FGF14: variants seen among roughly 807,000 people sequenced by gnomAD.
The protein encoded by FGF14 is fibroblast growth factor homologous factor 4.
In FGF14, 5 loss-of-function variants were observed where a neutral mutation model predicts 25.5. That is an observed-to-expected ratio of 0.20 (90% confidence interval 0.10 to 0.41). The LOEUF (loss-of-function observed/expected upper bound fraction) is 0.41. FGF14 is among the 10% of genes least tolerant of loss of function. FGF14 has a pLI of 1.00. For missense variants in FGF14, 222 were observed against 320.1 expected (o/e 0.69, Z 2.34); for synonymous variants, 138 against 118.3 (o/e 1.17, Z -1.08).
chr13:101,725,521 G>A lies in FGF14; in HGVS notation c.607+1091C>T, dbSNP rs142468147. ...AGAAGTAGTATTAGCCAACAAGAGC[G>A]ATTTTCTGAATTTAGGCAAATTGAA... On this transcript the variant is annotated intron_variant, in intron 4 of 4. Transcript: ENST00000376143. Among the ~76,000 whole-genome samples, 567 of 152,150 alleles carry A rather than the reference G, an allele frequency of 3.7e-3. 5 individuals are homozygous for A. The highest frequency in any genetic ancestry group is 0.013 in the African/African-American group (547 of 41,546).
At chr13:102,271,953 A>T (rs1165172887) in intron 1 of FGF14, among the ~76,000 whole-genome samples, 1 of 152,060 alleles carries the variant, frequency 6.6e-6, no homozygotes, top group African/African-American at 2.4e-5. Context: ...TCTAGTGAGG[A>T]CTCAGAAGAA....
intron 1 of FGF14, among the ~76,000 whole-genome samples, chr13:102,284,804 A>G (rs1723000130): frequency 6.6e-6 from 1 of 152,148 alleles, no homozygotes; most frequent in Non-Finnish European, 1.5e-5. Flanking sequence ...TTTTTTACCG[A>G]GGAGTAAAGA....
upstream of FGF14, among the ~76,000 whole-genome samples, chr13:101,918,295 C>G (rs749822568): frequency 9.2e-5 from 14 of 152,172 alleles, no homozygotes; most frequent in Middle Eastern, 3.2e-3. Flanking sequence ...GTGGCAGAAC[C>G]AAGTGCAGCT....
chr13:101,820,807 A>AC, intron 3 of FGF14, among the ~76,000 whole-genome samples: 1 of 43,642 alleles, frequency 2.3e-5, no homozygotes, highest in East Asian at 7.0e-4. Flanking sequence ...CACACACACA[A>AC]CACACACACA....
intron 1 of FGF14, among the ~76,000 whole-genome samples, chr13:102,194,080 A>G (rs79208646): frequency 0.041 from 6,288 of 152,280 alleles, 440 homozygotes; most frequent in African/African-American, 0.14. Flanking sequence ...AATAGATAAC[A>G]TCAACTTAAC....
At chr13:102,305,843 A>T (rs1349147048) in intron 1 of FGF14, among the ~76,000 whole-genome samples, 1 of 152,116 alleles carries the variant, frequency 6.6e-6, no homozygotes, top group Non-Finnish European at 1.5e-5. Context: ...GCCAATATTT[A>T]CTCTGGTCTT....
intron 1 of FGF14, among the ~76,000 whole-genome samples, chr13:102,165,946 T>C (rs2047987888): frequency 6.6e-6 from 1 of 151,746 alleles, no homozygotes; most frequent in Admixed American, 6.6e-5. Flanking sequence ...ACAGGTAAAA[T>C]TTTTCATTTT....
At chr13:102,213,274 T>C (rs1301568207) in intron 1 of FGF14, among the ~76,000 whole-genome samples, 2 of 152,228 alleles carry the variant, frequency 1.3e-5, no homozygotes. Flanking sequence ...GACTATATGT[T>C]AATACAGTAA....
At chr13:102,212,241 A>G (rs2140925217) in intron 1 of FGF14, among the ~76,000 whole-genome samples, 1 of 152,214 alleles carries the variant, frequency 6.6e-6, no homozygotes, top group South Asian at 2.1e-4. Flanking sequence ...GTTTAATATG[A>G]CATGTTTTTT....
At chr13:102,267,594 TAG>T (rs1256083958) in intron 1 of FGF14, among the ~76,000 whole-genome samples, 1 of 152,056 alleles carries the variant, frequency 6.6e-6, no homozygotes, top group Non-Finnish European at 1.5e-5. Context: ...TGGCTATGTG[TAG>T]AGAGAGAGAA....
At chr13:102,140,662 C>A (rs1291309248) in intron 1 of FGF14, among the ~76,000 whole-genome samples, 1 of 152,010 alleles carries the variant, frequency 6.6e-6, no homozygotes, top group African/African-American at 2.4e-5. Flanking sequence ...AGTAGCAGAA[C>A]CTGAACTTAA....
intron 1 of FGF14, among the ~76,000 whole-genome samples, chr13:102,128,944 A>T (rs866778872): frequency 3.0e-4 from 46 of 152,202 alleles, no homozygotes; most frequent in African/African-American, 1.1e-3. Flanking sequence ...TTAGCCTGGC[A>T]TTGTGGCAGG....
intron 1 of FGF14, among the ~76,000 whole-genome samples, chr13:102,369,232 T>C (rs892796950): frequency 6.6e-6 from 1 of 152,136 alleles, no homozygotes; most frequent in African/African-American, 2.4e-5. Context: ...CTGTCCTTCA[T>C]TGAAGGGCTC....
At chr13:102,221,488 G>A (rs2050607720) in intron 1 of FGF14, among the ~76,000 whole-genome samples, 1 of 152,112 alleles carries the variant, frequency 6.6e-6, no homozygotes, top group Non-Finnish European at 1.5e-5. Flanking sequence ...TGTCCTTAAG[G>A]AGCTGAGTAC....
chr13:102,264,791 G>T (rs755223329), intron 1 of FGF14, among the ~76,000 whole-genome samples: 1 of 152,052 alleles, frequency 6.6e-6, no homozygotes, highest in Non-Finnish European at 1.5e-5. Flanking sequence ...GACACAGCTG[G>T]TACACAGTGA....
intron 1 of FGF14, among the ~76,000 whole-genome samples, chr13:102,149,531 A>G (rs2046991837): frequency 1.3e-5 from 2 of 152,226 alleles, no homozygotes; most frequent in South Asian, 4.1e-4. Flanking sequence ...CACAGAGTAC[A>G]CCTTGGAAAA....
At chr13:101,881,924 T>C (rs1035623188) in intron 1 of FGF14, among the ~76,000 whole-genome samples, 18 of 152,184 alleles carry the variant, frequency 1.2e-4, no homozygotes, top group South Asian at 6.2e-4. Flanking sequence ...AACATAAACA[T>C]TAGTAAGGAC....
chr13:102,256,813 T>G lies in FGF14; in HGVS notation c.208+144658A>C, dbSNP rs190405799. 1.8e-4 allele frequency among the ~76,000 whole-genome samples: 27 copies of G among 152,348 alleles called. No homozygotes were observed. In the East Asian group the frequency reaches 3.1e-3, roughly 17 times the overall value. ...GATAATACAATAAAATTAGTCCATG[T>G]AGAACAGTTTGACTTTAAGTTATAT... On this transcript the variant is annotated intron_variant, in intron 1 of 4. Transcript: ENST00000376131.
chr13:101,816,176 A>G (rs56252146), intron 3 of FGF14, among the ~76,000 whole-genome samples: 2,533 of 150,744 alleles, frequency 0.017, 69 homozygotes, highest in African/African-American at 0.06. Flanking sequence ...AGGCTGAGGC[A>G]GCAGAATGGC....
Sources: allele counts gnomAD v4.1 joint callset (sites outside exome capture counted in the v4.1 genomes callset), GRCh38; gene constraint gnomAD v4.1.1; transcripts MANE v1.5; gene names NCBI Gene and HGNC (gene_info 2026-07-23, HGNC 2026-07-21).